The following LAMA2 variants were observed in gnomAD, a reference collection of about 807,000 sequenced individuals.
LAMA2 encodes the protein laminin subunit alpha 2, also known as laminin subunit alpha-2.
In LAMA2, 269 loss-of-function variants were observed where a neutral mutation model predicts 364.8. The ratio of observed to expected loss-of-function variants is 0.74; its 90% CI spans 0.67 to 0.82. The LOEUF (loss-of-function observed/expected upper bound fraction) is 0.82, where lower values mean the gene tolerates loss of function less well. Ranked by LOEUF, LAMA2 falls within the 40% of genes least tolerant of loss-of-function variation. The pLI, the probability that LAMA2 is intolerant of heterozygous loss-of-function variation, is 0.00. For synonymous variants in LAMA2, 1,379 were observed against 1,370.6 expected (o/e 1.01, Z -0.14); for missense variants, 3,807 against 3,873.2 (o/e 0.98, Z 0.45).
intron 18 of LAMA2, among the ~76,000 whole-genome samples, chr6:129,284,106 C>T (rs1257714457): frequency 2.0e-5 from 3 of 152,120 alleles, no homozygotes; most frequent in Admixed American, 6.6e-5. Context: ...TTTCTTCCAA[C>T]TTGTAAAAGG....
chr6:129,392,657 T>G (rs1415185021), intron 36 of LAMA2, among the ~76,000 whole-genome samples: 2 of 152,186 alleles, frequency 1.3e-5, no homozygotes. Context: ...TGAGCAAACA[T>G]AACAATATTC....
At chr6:129,311,688 T>G (rs905182429) in intron 22 of LAMA2, among the ~76,000 whole-genome samples, 3 of 152,150 alleles carry the variant, frequency 2.0e-5, no homozygotes, top group Non-Finnish European at 2.9e-5. Context: ...TTTATTAAAT[T>G]GCAAGAAGAT....
chr6:129,473,814 A>T (rs997920622), intron 52 of LAMA2, among the ~76,000 whole-genome samples: 3 of 152,086 alleles, frequency 2.0e-5, no homozygotes, highest in African/African-American at 7.2e-5. Flanking sequence ...GCCTAATACA[A>T]GAACTATATT....
At chr6:129,012,081 T>G (rs550838558) in intron 1 of LAMA2, among the ~76,000 whole-genome samples, 1 of 152,328 alleles carries the variant, frequency 6.6e-6, no homozygotes, top group South Asian at 2.1e-4. Flanking sequence ...TTTTTGTCAT[T>G]TGATGCAGTT....
intron 4 of LAMA2, among the ~76,000 whole-genome samples, chr6:129,129,977 A>G (rs952336392): frequency 5.9e-5 from 9 of 151,864 alleles, no homozygotes; most frequent in African/African-American, 2.2e-4. Context: ...AAATAATTTT[A>G]AAGGGGCAGA....
intron 3 of LAMA2, among the ~76,000 whole-genome samples, chr6:129,078,106 G>A (rs553010217): frequency 6.6e-6 from 1 of 150,630 alleles, no homozygotes; most frequent in Admixed American, 6.7e-5. Flanking sequence ...GTTTATGGGG[G>A]CAGTGAGCGT....
chr6:129,341,095 T>C (rs2114565360), intron 29 of LAMA2, among the ~76,000 whole-genome samples: 1 of 152,296 alleles, frequency 6.6e-6, no homozygotes, highest in South Asian at 2.1e-4. Context: ...TCCATGGCAA[T>C]ATCTGTGGTG....
At chr6:129,397,104 G>A (rs1279673809) in intron 37 of LAMA2, among the ~76,000 whole-genome samples, 2 of 151,176 alleles carry the variant, frequency 1.3e-5, no homozygotes, top group African/African-American at 4.9e-5. Context: ...AAGAAAGAAA[G>A]AAAAAGAAAG....
chr6:129,113,284 A>G (rs1291842834), intron 4 of LAMA2, among the ~76,000 whole-genome samples: 1 of 151,964 alleles, frequency 6.6e-6, no homozygotes, highest in Admixed American at 6.6e-5. Context: ...TCTTTTAATA[A>G]TTTCCAAAAC....
At chr6:129,383,090 T>C (rs1426686172) in intron 34 of LAMA2, 32 bp from the exon 35 acceptor site, 5 of 1,550,868 alleles carry the variant, frequency 3.2e-6, no homozygotes, top group Non-Finnish European at 4.4e-6. Flanking sequence ...TCATCTCTAT[T>C]AATTATGTGT....
intron 58 of LAMA2, among the ~76,000 whole-genome samples, chr6:129,495,645 AT>A (rs1341624115): frequency 1.3e-5 from 2 of 152,102 alleles, no homozygotes; most frequent in African/African-American, 4.8e-5. Flanking sequence ...GCTGGTTTGG[AT>A]TTTTAGGGAT....
chr6:129,249,179 C>T (rs1785989890), intron 12 of LAMA2, among the ~76,000 whole-genome samples: 1 of 152,124 alleles, frequency 6.6e-6, no homozygotes, highest in African/African-American at 2.4e-5. Flanking sequence ...ACGTGAAAGG[C>T]CATAGAGAGC....
intron 51 of LAMA2, among the ~76,000 whole-genome samples, chr6:129,472,570 A>G (rs1287926637): frequency 4.6e-5 from 7 of 151,938 alleles, no homozygotes; most frequent in African/African-American, 9.7e-5. Flanking sequence ...TCTTATCTTC[A>G]TCACATTAAA....
intron 11 of LAMA2, among the ~76,000 whole-genome samples, chr6:129,191,001 A>G (rs1008809700): frequency 6.6e-6 from 1 of 152,214 alleles, no homozygotes; most frequent in African/African-American, 2.4e-5. Context: ...GAAAAGTGTC[A>G]GAGGAAAATG....
chr6:128,943,269 C>CACAGAGAGAGAGAGAGAG (rs1365657711), intron 1 of LAMA2, among the ~76,000 whole-genome samples: 69 of 143,188 alleles, frequency 4.8e-4, no homozygotes, highest in African/African-American at 1.7e-3. Flanking sequence ...TATATATACA[C>CACAGAGAGAGAGAGAGAG]AGAGAGAGAG....
At chr6:129,266,017 G>T (rs1003674786) in intron 15 of LAMA2, among the ~76,000 whole-genome samples, 2 of 151,952 alleles carry the variant, frequency 1.3e-5, no homozygotes, top group Non-Finnish European at 2.9e-5. Context: ...CTCATATCCT[G>T]AGGCAGAAGG....
intron 1 of LAMA2, among the ~76,000 whole-genome samples, chr6:128,939,631 G>A (rs2114537735): frequency 6.6e-6 from 1 of 152,242 alleles, no homozygotes; most frequent in South Asian, 2.1e-4. Context: ...GCGGTTACAA[G>A]TAGGTAAGCA....
intron 35 of LAMA2, among the ~76,000 whole-genome samples, chr6:129,388,527 T>C (rs539649430): frequency 6.6e-6 from 1 of 152,288 alleles, no homozygotes; most frequent in Admixed American, 6.5e-5. Flanking sequence ...ACCAGATTCT[T>C]CTCTGCAGAA....
At chr6:129,123,657 C>T (rs1776941794) in intron 4 of LAMA2, among the ~76,000 whole-genome samples, 1 of 152,034 alleles carries the variant, frequency 6.6e-6, no homozygotes, top group Non-Finnish European at 1.5e-5. Context: ...TACATGATAT[C>T]ATTTATATAA....
Sources: gnomAD v4.1 joint callset for allele counts (sites outside exome capture counted in the v4.1 genomes callset) on GRCh38, gnomAD v4.1.1 for gene constraint, MANE v1.5 for transcripts, NCBI Gene and HGNC (gene_info 2026-07-23, HGNC 2026-07-21) for gene names.